The following PCDHGB6 variants were observed in gnomAD, a reference collection of about 807,000 sequenced individuals.
PCDHGB6 encodes the protein protocadherin gamma subfamily B, 6, also known as protocadherin gamma-B6.
Under a neutral mutation model 59.1 loss-of-function variants are expected in PCDHGB6, and 51 were observed. That is an observed-to-expected ratio of 0.86 (90% confidence interval 0.69 to 1.09). The LOEUF is 1.09. Ranked by LOEUF, PCDHGB6 falls within the 50% of genes least tolerant of loss-of-function variation. PCDHGB6 has a pLI of 0.00. For synonymous variants in PCDHGB6, 466 were observed against 495.1 expected (o/e 0.94, Z 0.78); for missense variants, 1,148 against 1,205.1 (o/e 0.95, Z 0.70).
chr5:141,447,824 G>T (rs926580893), intron 1 of PCDHGB6, among the ~76,000 whole-genome samples: 2 of 152,034 alleles, frequency 1.3e-5, no homozygotes, highest in Non-Finnish European at 2.9e-5. Context: ...GGTGGCTCAC[G>T]CCTGTAATCC....
intron 1 of PCDHGB6, chr5:141,423,618 C>CT (rs1300844043): frequency 1.9e-6 from 3 of 1,608,282 alleles, no homozygotes; most frequent in Admixed American, 1.7e-5. Flanking sequence ...TAGCTGAAGA[C>CT]TCAGCTATCA....
chr5:141,506,447 A>G (rs1405495926), intron 3 of PCDHGB6, among the ~76,000 whole-genome samples: 3 of 146,906 alleles, frequency 2.0e-5, no homozygotes, highest in Non-Finnish European at 3.0e-5. Flanking sequence ...TCTGTCTCAA[A>G]AAAAAAAAAA....
chr5:141,478,013 C>G (rs768425714), intron 1 of PCDHGB6: 6 of 1,614,136 alleles, frequency 3.7e-6, no homozygotes. Flanking sequence ...TACTGCCCGT[C>G]CAGTCCAAGA....
At position 141,471,056 on chromosome 5, in the gene PCDHGB6, T is replaced by C. The variant is rs1367189715; in HGVS notation, c.2419-23751T>C. On this transcript the variant is annotated intron_variant, in intron 1 of 3. Coordinates refer to ENST00000520790, the MANE Select transcript of PCDHGB6 (RefSeq NM_018926.3). ...ACAAGCCCAAGCCCTCTTTTTTTTT[T>C]TTTTTTTTTTGAGACAGGGTCTCCC... Among the ~76,000 whole-genome samples, 581 of 150,056 alleles carry C rather than the reference T, an allele frequency of 3.9e-3. 6 individuals are homozygous for C. Among genetic ancestry groups the C allele is most frequent in the Admixed American group, 0.011 (167 of 15,092 alleles).
At chr5:141,425,957 C>A (rs1317696447) in intron 1 of PCDHGB6, among the ~76,000 whole-genome samples, 1 of 152,140 alleles carries the variant, frequency 6.6e-6, no homozygotes, top group Non-Finnish European at 1.5e-5. Context: ...TACATTAGTC[C>A]AACACATCAG....
chr5:141,415,968 C>T (rs1382830747), intron 1 of PCDHGB6: 2 of 390,600 alleles, frequency 5.1e-6, no homozygotes, highest in African/African-American at 2.1e-5. Context: ...ACTCCAGCCC[C>T]TTAAGCAACC....
intron 1 of PCDHGB6, among the ~76,000 whole-genome samples, chr5:141,439,341 G>A (rs1464427300): frequency 6.6e-6 from 1 of 152,166 alleles, no homozygotes; most frequent in East Asian, 1.9e-4. Context: ...AAGATTCTAA[G>A]CCTACAAATA....
At chr5:141,410,914 C>T (rs1399369063) in intron 1 of PCDHGB6, 4 of 246,122 alleles carry the variant, frequency 1.6e-5, no homozygotes, top group Admixed American at 6.8e-5. Context: ...AGTGCAGTGG[C>T]GTGATCTCTG....
chr5:141,413,235 C>A, intron 1 of PCDHGB6: 1 of 1,613,954 alleles, frequency 6.2e-7, no homozygotes, highest in Non-Finnish European at 8.5e-7. Context: ...TGGTCCTGCT[C>A]TGCCTTTTCT....
chr5:141,454,618 C>T (rs1259161504), intron 1 of PCDHGB6, among the ~76,000 whole-genome samples: 1 of 151,470 alleles, frequency 6.6e-6, no homozygotes, highest in Non-Finnish European at 1.5e-5. Flanking sequence ...GTTGGTCAGG[C>T]TGGTCTCGAA....
Position 141,413,476 on chromosome 5 carries a change from G to T in PCDHGB6, c.2418+2856G>T, listed in dbSNP as rs566734719. 2.1e-5 allele frequency: 34 copies of T among 1,614,004 alleles called. No homozygotes were observed. The South Asian group carries it at 3.7e-4, about 18-fold the overall frequency. ...CAGGATAGACCGGGAGGAGCTCTGC[G>T]CTCAGAGCGCGCGGTGCGTGGTGAG... On this transcript the variant is annotated intron_variant, in intron 1 of 3. Coordinates refer to ENST00000520790, the MANE Select transcript of PCDHGB6 (RefSeq NM_018926.3).
chr5:141,414,515 C>T, intron 1 of PCDHGB6: 1 of 1,613,958 alleles, frequency 6.2e-7, no homozygotes, highest in Non-Finnish European at 8.5e-7. Flanking sequence ...CTACAAGTGG[C>T]AGATATCAAT....
chr5:141,476,714 C>T lies in PCDHGB6; in HGVS notation c.2419-18093C>T, dbSNP rs146188020. On this transcript the variant is annotated intron_variant, in intron 1 of 3. Transcript: ENST00000520790. The surrounding 1 kb of genome is among the most constrained non-coding windows in gnomAD (Gnocchi z 7.6). ...CAAGTACGCGGAGCTGGTGTTGGAG[C>T]GCGCCCTGGACCGAGAACGGGAGCC... The T allele has an allele frequency of 6.2e-7, 1 of 1,614,154 alleles. No individual in the cohort carries two copies. The highest frequency in any genetic ancestry group is 8.5e-7 in the Non-Finnish European group (1 of 1,180,032).
intron 1 of PCDHGB6, among the ~76,000 whole-genome samples, chr5:141,464,984 C>T (rs1345385418): frequency 1.3e-5 from 2 of 152,034 alleles, no homozygotes; most frequent in Non-Finnish European, 2.9e-5. Flanking sequence ...TCAAGTGATC[C>T]TCCCACCTCA....
In PCDHGB6 at chr5:141,489,432, G is replaced by A. The variant is rs2099687138; in HGVS notation, c.2419-5375G>A. ...TGACAGATCTGTTGAGCCGGCGGCTGCAATTGGGCTCTGAGGAGAATGGGC... is the reference window on the plus strand; with the variant it reads ...TGACAGATCTGTTGAGCCGGCGGCTACAATTGGGCTCTGAGGAGAATGGGC... On this transcript the variant is annotated intron_variant, in intron 1 of 3. Transcript: ENST00000520790. The surrounding 1 kb of genome is among the most constrained non-coding windows in gnomAD (Gnocchi z 4.5). 3.1e-6 allele frequency: 5 copies of A among 1,614,166 alleles called. No individual in the cohort carries two copies. Among genetic ancestry groups the A allele is most frequent in the Non-Finnish European group, 4.2e-6 (5 of 1,180,036 alleles).
intron 1 of PCDHGB6, among the ~76,000 whole-genome samples, chr5:141,494,328 G>T (rs1595238527): frequency 6.6e-6 from 1 of 152,200 alleles, no homozygotes; most frequent in Non-Finnish European, 1.5e-5. Flanking sequence ...CACCAAAAGG[G>T]TTACCAAGAA....
chr5:141,471,717 C>T (rs1196344901), intron 1 of PCDHGB6, among the ~76,000 whole-genome samples: 1 of 152,022 alleles, frequency 6.6e-6, no homozygotes, highest in Non-Finnish European at 1.5e-5. Flanking sequence ...GTGCCACTTA[C>T]CAGGTAAGGA....
rs760680204 is a variant in PCDHGB6, at chr5:141,477,505, CG to C, written c.2419-17301del. ...CACAATCTTCTCAATCTTCCTACGA[CG>C]TTTACATTGAAGAAAACAACCTCCC... On this transcript the variant is annotated intron_variant, in intron 1 of 3. Coordinates refer to ENST00000520790, the MANE Select transcript of PCDHGB6 (RefSeq NM_018926.3). The surrounding 1 kb of genome is among the most constrained non-coding windows in gnomAD (Gnocchi z 4.9). The C allele has an allele frequency of 1.2e-5, 19 of 1,614,008 alleles. No individual in the cohort carries two copies. The highest frequency in any genetic ancestry group is 8.5e-7 in the Non-Finnish European group (1 of 1,180,018).
intron 1 of PCDHGB6, among the ~76,000 whole-genome samples, chr5:141,467,950 C>T (rs780236016): frequency 2.6e-5 from 4 of 152,290 alleles, no homozygotes; most frequent in Admixed American, 6.5e-5. Context: ...TGAGCCACCA[C>T]ACCCGGCTGC....
Sources: gnomAD v4.1 joint callset for allele counts (sites outside exome capture counted in the v4.1 genomes callset) on GRCh38, gnomAD v4.1.1 for gene constraint, Gnocchi (gnomAD v3.1) non-coding constraint, MANE v1.5 for transcripts, NCBI Gene and HGNC (gene_info 2026-07-23, HGNC 2026-07-21) for gene names.